CNTNAP2: variants seen among roughly 807,000 people sequenced by gnomAD.
The protein encoded by CNTNAP2 is contactin-associated protein-like 2.
In CNTNAP2, 98 loss-of-function variants were observed where a neutral mutation model predicts 155.2. The observed-to-expected ratio is 0.63, with a 90% CI of 0.54 to 0.75. The LOEUF (loss-of-function observed/expected upper bound fraction) is 0.75. Ranked by LOEUF, CNTNAP2 falls within the 30% of genes least tolerant of loss-of-function variation. CNTNAP2 has a pLI of 0.00. For missense variants in CNTNAP2, 1,727 were observed against 1,688.1 expected, an observed-to-expected ratio of 1.02 and a Z score of -0.40; for synonymous variants, 651 against 631.2, an observed-to-expected ratio of 1.03 and a Z score of -0.47.
intron 13 of CNTNAP2, among the ~76,000 whole-genome samples, chr7:147,751,344 AT>A (rs1797132206): frequency 6.6e-6 from 1 of 151,794 alleles, no homozygotes; most frequent in Non-Finnish European, 1.5e-5. Context: ...TTATTCAGAG[AT>A]AAGTGGAGGA....
chr7:147,245,287 G>T (rs548843982), intron 8 of CNTNAP2, among the ~76,000 whole-genome samples: 21 of 151,764 alleles, frequency 1.4e-4, no homozygotes, highest in Non-Finnish European at 2.2e-4. Flanking sequence ...TAAAAACCTC[G>T]GTGTAAAGTG....
chr7:146,294,261 C>G (rs1464262156), intron 1 of CNTNAP2, among the ~76,000 whole-genome samples: 1 of 152,200 alleles, frequency 6.6e-6, no homozygotes, highest in African/African-American at 2.4e-5. Flanking sequence ...GAAAGCTTCA[C>G]AATATGCCCA....
intron 8 of CNTNAP2, among the ~76,000 whole-genome samples, chr7:147,137,909 A>ATAGATAGATAGG (rs1801519066): frequency 7.1e-6 from 1 of 140,942 alleles, no homozygotes; most frequent in Non-Finnish European, 1.6e-5. Context: ...AGATAGATAG[A>ATAGATAGATAGG]TAGATAGGTA....
At chr7:148,392,552 A>C (rs1311672770) in intron 22 of CNTNAP2, among the ~76,000 whole-genome samples, 11 of 152,170 alleles carry the variant, frequency 7.2e-5, no homozygotes. Flanking sequence ...CTCTGCCCTA[A>C]CGCTAACCTG....
chr7:147,313,391 T>A (rs1795162653), intron 9 of CNTNAP2, among the ~76,000 whole-genome samples: 1 of 151,188 alleles, frequency 6.6e-6, no homozygotes, highest in African/African-American at 2.4e-5. Context: ...TTTTTATGGT[T>A]TTAGGTCTAA....
chr7:147,629,103 A>G (rs926195523), intron 12 of CNTNAP2, among the ~76,000 whole-genome samples: 4 of 152,050 alleles, frequency 2.6e-5, no homozygotes, highest in African/African-American at 9.7e-5. Flanking sequence ...GAAGTCAACA[A>G]AGAAATAACG....
At chr7:146,969,561 T>C (rs1253470427) in intron 3 of CNTNAP2, among the ~76,000 whole-genome samples, 2 of 152,204 alleles carry the variant, frequency 1.3e-5, no homozygotes, top group Non-Finnish European at 2.9e-5. Flanking sequence ...TTTACCATTA[T>C]GTAATGGCCT....
At chr7:147,842,469 T>C (rs577938879) in intron 13 of CNTNAP2, among the ~76,000 whole-genome samples, 1 of 152,220 alleles carries the variant, frequency 6.6e-6, no homozygotes, top group African/African-American at 2.4e-5. Flanking sequence ...TATAAGTATA[T>C]GCAGCTCTGA....
intron 15 of CNTNAP2, among the ~76,000 whole-genome samples, chr7:147,989,093 C>A (rs1305656733): frequency 6.6e-6 from 1 of 152,170 alleles, no homozygotes; most frequent in African/African-American, 2.4e-5. Context: ...TGTAGTTGTG[C>A]TTTACAAACA....
chr7:148,047,074 G>T (rs1460670858), intron 15 of CNTNAP2, among the ~76,000 whole-genome samples: 1 of 152,066 alleles, frequency 6.6e-6, no homozygotes, highest in African/African-American at 2.4e-5. Flanking sequence ...TACCTTTCTC[G>T]AAACCAGGCT....
chr7:146,925,857 T>A (rs1250660500), intron 3 of CNTNAP2, among the ~76,000 whole-genome samples: 1 of 152,072 alleles, frequency 6.6e-6, no homozygotes. Flanking sequence ...CCAAATAAGC[T>A]TCCGAACACA....
intron 10 of CNTNAP2, among the ~76,000 whole-genome samples, chr7:147,480,757 A>C (rs903240906): frequency 2.0e-5 from 3 of 152,174 alleles, no homozygotes; most frequent in East Asian, 3.9e-4. Flanking sequence ...CAGCAACTGC[A>C]TTCTCCTTTG....
At chr7:147,269,527 C>T (rs1804692153) in intron 8 of CNTNAP2, among the ~76,000 whole-genome samples, 1 of 152,162 alleles carries the variant, frequency 6.6e-6, no homozygotes, top group African/African-American at 2.4e-5. Flanking sequence ...CTATGAGAGA[C>T]ACAATATGCC....
At chr7:146,294,898 AG>A (rs1800488097) in intron 1 of CNTNAP2, among the ~76,000 whole-genome samples, 1 of 152,218 alleles carries the variant, frequency 6.6e-6, no homozygotes, top group South Asian at 2.1e-4. Flanking sequence ...GTTCACCAAA[AG>A]AATTTATAAC....
At chr7:147,728,697 A>T (rs565949794) in intron 13 of CNTNAP2, among the ~76,000 whole-genome samples, 1 of 152,138 alleles carries the variant, frequency 6.6e-6, no homozygotes, top group East Asian at 1.9e-4. Context: ...TCCTTCTGCA[A>T]GTTTGATTAC....
At position 146,254,155 on chromosome 7, in the gene CNTNAP2, ACACACACAAG is replaced by A. The variant is rs1254401249; in HGVS notation, c.97+137185_97+137194del. 3.4e-3 allele frequency among the ~76,000 whole-genome samples: 496 copies of A among 144,052 alleles called. 2 individuals are homozygous for A. Among genetic ancestry groups the A allele is most frequent in the African/African-American group, 0.013 (432 of 34,190 alleles). The allele number at this position is 144,052 out of a possible 152,430, so 94.5% of individuals were successfully genotyped here. ...CACACACACACACACACACACACACACACACACAAGCAAACACACACAATATAGTTTTATC... is the reference window on the plus strand; with the variant it reads ...CACACACACACACACACACACACACACAAACACACACAATATAGTTTTATC... On this transcript the variant is annotated intron_variant, in intron 1 of 23. Transcript: ENST00000361727.
chr7:146,520,165 A>G (rs1797597067), intron 1 of CNTNAP2, among the ~76,000 whole-genome samples: 1 of 151,252 alleles, frequency 6.6e-6, no homozygotes, highest in South Asian at 2.1e-4. Context: ...TAAAAAAGAT[A>G]TATCCTAACT....
chr7:146,637,128 G>C (rs1215461869), intron 1 of CNTNAP2, among the ~76,000 whole-genome samples: 2 of 152,156 alleles, frequency 1.3e-5, no homozygotes, highest in East Asian at 3.9e-4. Context: ...TTTGCTGAGT[G>C]GCTTACTTTA....
intron 1 of CNTNAP2, among the ~76,000 whole-genome samples, chr7:146,220,093 A>G (rs1036993694): frequency 9.2e-5 from 14 of 152,136 alleles, no homozygotes; most frequent in Admixed American, 7.2e-4. Context: ...CCAATACATC[A>G]TACCATTCTG....
Sources: gnomAD v4.1 joint callset for allele counts (sites outside exome capture counted in the v4.1 genomes callset) on GRCh38, gnomAD v4.1.1 for gene constraint, MANE v1.5 for transcripts, NCBI Gene and HGNC (gene_info 2026-07-23, HGNC 2026-07-21) for gene names.